Variants in RIMS1 observed in about 807,000 individuals in gnomAD.
RIMS1 encodes the protein regulating synaptic membrane exocytosis 1, also known as regulating synaptic membrane exocytosis protein 1.
Under a neutral mutation model 214.1 loss-of-function variants are expected in RIMS1, and 83 were observed. The ratio of observed to expected loss-of-function variants is 0.39; its 90% CI spans 0.32 to 0.47. RIMS1 has a LOEUF of 0.47. Ranked by LOEUF, RIMS1 falls within the 20% of genes least tolerant of loss-of-function variation. The pLI is 0.99. For synonymous variants in RIMS1, 793 were observed against 786.8 expected, an observed-to-expected ratio of 1.01 and a Z score of -0.13; for missense variants, 2,050 against 2,161.8, an observed-to-expected ratio of 0.95 and a Z score of 1.03.
At chr6:71,982,511 C>T (rs897728676) in intron 2 of RIMS1, among the ~76,000 whole-genome samples, 2 of 152,142 alleles carry the variant, frequency 1.3e-5, no homozygotes, top group African/African-American at 2.4e-5. Flanking sequence ...AACCCAAGCA[C>T]AGTCACACTC....
At chr6:71,984,847 C>T (rs1390625521) in intron 2 of RIMS1, among the ~76,000 whole-genome samples, 4 of 151,504 alleles carry the variant, frequency 2.6e-5, no homozygotes, top group Non-Finnish European at 4.4e-5. Context: ...ATCATTATTG[C>T]CTATCCATCT....
At chr6:72,196,579 A>ATTTTTTTTTTTTTTTTT (rs1562552453) in intron 6 of RIMS1, among the ~76,000 whole-genome samples, 2 of 32,670 alleles carry the variant, frequency 6.1e-5, no homozygotes, top group Non-Finnish European at 4.7e-5. Flanking sequence ...AGCCAGCTGC[A>ATTTTTTTTTTTTTTTTT]CTTTTTTTTT....
chr6:72,086,388 A>G (rs1834662099), intron 2 of RIMS1, among the ~76,000 whole-genome samples: 1 of 152,184 alleles, frequency 6.6e-6, no homozygotes, highest in Non-Finnish European at 1.5e-5. Flanking sequence ...GTAAGAGTTC[A>G]AGCTATGAAA....
chr6:71,926,681 T>C (rs984281911), intron 1 of RIMS1, among the ~76,000 whole-genome samples: 2 of 152,192 alleles, frequency 1.3e-5, no homozygotes, highest in African/African-American at 4.8e-5. Flanking sequence ...AAACCTATTA[T>C]AGAATTCAAG....
chr6:72,332,869 G>C (rs553727693), intron 28 of RIMS1, among the ~76,000 whole-genome samples: 1 of 151,504 alleles, frequency 6.6e-6, no homozygotes, highest in South Asian at 2.1e-4. Context: ...CAGGTAAACT[G>C]GTACAAGCTG....
intron 29 of RIMS1, among the ~76,000 whole-genome samples, chr6:72,362,596 A>G (rs1331140416): frequency 2.0e-5 from 3 of 152,242 alleles, no homozygotes; most frequent in African/African-American, 7.2e-5. Flanking sequence ...AACTAATTTT[A>G]TCCCCAGTTG....
chr6:72,188,811 A>G (rs1194443106), intron 6 of RIMS1, among the ~76,000 whole-genome samples: 1 of 152,176 alleles, frequency 6.6e-6, no homozygotes, highest in African/African-American at 2.4e-5. Flanking sequence ...GCCCTAAGGG[A>G]TCTCCTGTAT....
intron 1 of RIMS1, among the ~76,000 whole-genome samples, chr6:71,902,234 T>C (rs976319145): frequency 6.6e-6 from 1 of 152,116 alleles, no homozygotes; most frequent in African/African-American, 2.4e-5. Context: ...TTGGCTCATC[T>C]TTTGAGAGTG....
chr6:72,079,125 T>C (rs753290935), intron 2 of RIMS1, among the ~76,000 whole-genome samples: 1 of 152,170 alleles, frequency 6.6e-6, no homozygotes, highest in Non-Finnish European at 1.5e-5. Context: ...CCTTGATTTG[T>C]ACATGGACTA....
intron 1 of RIMS1, among the ~76,000 whole-genome samples, chr6:71,928,765 A>G (rs901114473): frequency 9.2e-5 from 14 of 152,224 alleles, no homozygotes; most frequent in African/African-American, 3.1e-4. Flanking sequence ...GGCTGCATCA[A>G]TTGAATTTGA....
At chr6:72,121,235 G>C (rs1028304754) in intron 4 of RIMS1, among the ~76,000 whole-genome samples, 8 of 151,654 alleles carry the variant, frequency 5.3e-5, no homozygotes, top group African/African-American at 1.2e-4. Flanking sequence ...TCTATAATTA[G>C]TTTGGGCAGT....
intron 24 of RIMS1, among the ~76,000 whole-genome samples, chr6:72,284,686 CT>C (rs11358323): frequency 0.98 from 149,303 of 151,840 alleles, 73,448 homozygotes; most frequent in Non-Finnish European, 1. Context: ...CATATTGACA[CT>C]TTTTTTTTTA....
rs545824977 is a variant in RIMS1, at chr6:72,265,850, A to G, written c.3309-110A>G. ...ATGAACTGAATCCCAGTGATTCTAC[A>G]TTTTGTGTAAAGGGGACATTATTTT... On this transcript the variant is annotated intron_variant, in intron 21 of 33. Transcript: ENST00000521978. 121 of 715,600 alleles carry G rather than the reference A, an allele frequency of 1.7e-4. 1 individual carries two copies. The African/African-American group carries it at 1.9e-3, about 11-fold the overall frequency. The allele number at this position is 715,600 out of a possible 1,614,324, so 44.3% of individuals were successfully genotyped here. A position where few individuals can be genotyped will look rare whatever the true frequency, so the allele number is the denominator to read the frequency against.
chr6:71,992,472 T>C lies in RIMS1; in HGVS notation c.245+23409T>C, dbSNP rs529230546. 4.1e-4 allele frequency among the ~76,000 whole-genome samples: 60 copies of C among 145,688 alleles called. No individual in the cohort carries two copies. In the South Asian group the frequency reaches 0.013, roughly 31 times the overall value. ...TTTCTCTTTCTCTTTCTTTCTCCTTTCTTCCTTCCTTCCTTCCCTTCTTTT... is the reference window on the plus strand; with the variant it reads ...TTTCTCTTTCTCTTTCTTTCTCCTTCCTTCCTTCCTTCCTTCCCTTCTTTT... On this transcript the variant is annotated intron_variant, in intron 2 of 33. Coordinates refer to ENST00000521978, the MANE Select transcript of RIMS1 (RefSeq NM_014989.7).
intron 1 of RIMS1, among the ~76,000 whole-genome samples, chr6:71,891,512 A>G (rs529391330): frequency 1.3e-5 from 2 of 152,324 alleles, no homozygotes; most frequent in South Asian, 2.1e-4. Flanking sequence ...TTACACAAAT[A>G]TAATACTGTG....
chr6:72,242,098 A>G (rs1488615358), intron 9 of RIMS1, among the ~76,000 whole-genome samples: 1 of 152,078 alleles, frequency 6.6e-6, no homozygotes, highest in Non-Finnish European at 1.5e-5. Flanking sequence ...CACCAGTAAT[A>G]TTCTGGGGGA....
intron 30 of RIMS1, 71 bp downstream of exon 30, chr6:72,390,807 C>A (rs2098690748): frequency 6.5e-7 from 1 of 1,534,578 alleles, no homozygotes; most frequent in Non-Finnish European, 8.9e-7. Context: ...GATAACAAAG[C>A]CACTGAGTGT....
At chr6:71,894,274 G>A (rs1025222391) in intron 1 of RIMS1, among the ~76,000 whole-genome samples, 10 of 152,166 alleles carry the variant, frequency 6.6e-5, no homozygotes, top group East Asian at 1.9e-4. Context: ...GTAAAACCCC[G>A]TCTCTACTAA....
chr6:72,278,385 C>A (rs1433485874), intron 23 of RIMS1, among the ~76,000 whole-genome samples: 1 of 152,024 alleles, frequency 6.6e-6, no homozygotes, highest in Non-Finnish European at 1.5e-5. Context: ...TGTGTAGTTT[C>A]CTATACCTAT....
Sources: allele counts gnomAD v4.1 joint callset (sites outside exome capture counted in the v4.1 genomes callset), GRCh38; gene constraint gnomAD v4.1.1; transcripts MANE v1.5; gene names NCBI Gene and HGNC (gene_info 2026-07-23, HGNC 2026-07-21).